RORA: variants seen among roughly 807,000 people sequenced by gnomAD.
The protein encoded by RORA is nuclear receptor ROR-alpha.
RORA carries 7 observed loss-of-function variants against 69.5 expected under a neutral mutation model. That is an observed-to-expected ratio of 0.10 (90% confidence interval 0.06 to 0.19). RORA has a LOEUF of 0.19. Among genes scored for constraint, RORA ranks in the 10% least tolerant of loss-of-function variants. RORA has a pLI of 1.00. For missense variants in RORA, 457 were observed against 663.0 expected, an observed-to-expected ratio of 0.69 and a Z score of 3.41; for synonymous variants, 261 against 240.8, an observed-to-expected ratio of 1.08 and a Z score of -0.78.
intron 5 of RORA, 152 bp from the exon 6 acceptor site, chr15:60,505,781 G>C: frequency 1.1e-6 from 1 of 894,392 alleles, no homozygotes; most frequent in Non-Finnish European, 1.7e-6. Context: ...ATTTGGAACT[G>C]TTTTGTATTT....
At chr15:61,053,444 G>A (rs2078042834) in intron 1 of RORA, among the ~76,000 whole-genome samples, 1 of 152,088 alleles carries the variant, frequency 6.6e-6, no homozygotes, top group African/African-American at 2.4e-5. Flanking sequence ...GGGCAGCAGA[G>A]AAAGCTCAGC....
intron 2 of RORA, among the ~76,000 whole-genome samples, chr15:60,676,562 T>C (rs190754185): frequency 1.3e-3 from 195 of 152,376 alleles, no homozygotes; most frequent in African/African-American, 4.5e-3. Flanking sequence ...TCTTTCTACA[T>C]TGACTTCAAG....
chr15:60,740,171 GA>G (rs2071557050), intron 1 of RORA, among the ~76,000 whole-genome samples: 1 of 152,024 alleles, frequency 6.6e-6, no homozygotes, highest in Non-Finnish European at 1.5e-5. Context: ...AAAGGCCTCT[GA>G]ATTCTTTCTG....
At chr15:61,146,139 G>A (rs959223553) in intron 1 of RORA, among the ~76,000 whole-genome samples, 1 of 152,116 alleles carries the variant, frequency 6.6e-6, no homozygotes, top group Non-Finnish European at 1.5e-5. Flanking sequence ...TAATCAGAAT[G>A]CATGATGGGT....
intron 2 of RORA, among the ~76,000 whole-genome samples, chr15:60,669,522 A>G (rs1189215956): frequency 6.6e-6 from 1 of 152,194 alleles, no homozygotes. Flanking sequence ...AACATTGTTT[A>G]TAGGTCACTG....
At chr15:60,916,638 A>G (rs1008326572) in intron 1 of RORA, among the ~76,000 whole-genome samples, 3 of 152,152 alleles carry the variant, frequency 2.0e-5, no homozygotes, top group Non-Finnish European at 4.4e-5. Flanking sequence ...TTAAATACCA[A>G]TGCCCAGGCC....
chr15:60,994,633 ACAT>A (rs1214318671), intron 1 of RORA, among the ~76,000 whole-genome samples: 2 of 152,234 alleles, frequency 1.3e-5, no homozygotes, highest in African/African-American at 4.8e-5. Flanking sequence ...CCTGAAGCCT[ACAT>A]GATTATAGCC....
intron 1 of RORA, among the ~76,000 whole-genome samples, chr15:61,103,919 G>C (rs1184264224): frequency 6.6e-6 from 1 of 152,172 alleles, no homozygotes; most frequent in Non-Finnish European, 1.5e-5. Flanking sequence ...GAATCAGAGG[G>C]AAGTAGCAGG....
intron 1 of RORA, among the ~76,000 whole-genome samples, chr15:60,712,591 G>A (rs1455720786): frequency 2.6e-5 from 4 of 152,154 alleles, no homozygotes; most frequent in Admixed American, 2.0e-4. Flanking sequence ...TCTGCGATAG[G>A]ACCCAGTGTA....
chr15:61,082,188 G>C (rs1325799998), intron 1 of RORA, among the ~76,000 whole-genome samples: 1 of 152,066 alleles, frequency 6.6e-6, no homozygotes, highest in Non-Finnish European at 1.5e-5. Flanking sequence ...ACCAAACGCA[G>C]ATCAAAAATA....
At position 60,729,454 on chromosome 15, in the gene RORA, T is replaced by C. The variant is rs138830876; in HGVS notation, c.167-50768A>G. On this transcript the variant is annotated intron_variant, in intron 1 of 10. Coordinates refer to ENST00000335670, the MANE Select transcript of RORA (RefSeq NM_134261.3). Reference sequence around the variant, plus strand: ...TTCTAGTCCCAGATTAGTCACTCAATGTAGTACCCTAGGACAAATCCATTT... The same window carrying C: ...TTCTAGTCCCAGATTAGTCACTCAACGTAGTACCCTAGGACAAATCCATTT... Among the ~76,000 whole-genome samples, 862 of 152,294 alleles carry C rather than the reference T, an allele frequency of 5.7e-3. 7 individuals are homozygous for C. Among genetic ancestry groups the C allele is most frequent in the African/African-American group, 0.019 (787 of 41,558 alleles).
intron 1 of RORA, among the ~76,000 whole-genome samples, chr15:61,006,292 T>C (rs543670614): frequency 1.3e-5 from 2 of 152,176 alleles, no homozygotes; most frequent in East Asian, 3.9e-4. Context: ...TATTGTTTTG[T>C]GCTGTGTGTT....
chr15:60,617,927 G>C (rs1313982031), intron 2 of RORA, among the ~76,000 whole-genome samples: 1 of 152,152 alleles, frequency 6.6e-6, no homozygotes, highest in East Asian at 1.9e-4. Context: ...GAGGCAGCTA[G>C]GGATAAGAGG....
intron 1 of RORA, among the ~76,000 whole-genome samples, chr15:61,094,914 G>C (rs1347161098): frequency 1.3e-5 from 2 of 152,242 alleles, no homozygotes; most frequent in African/African-American, 2.4e-5. Flanking sequence ...TACTGGAGCG[G>C]GTTTCACCAG....
chr15:60,588,033 G>T (rs1242977718), intron 2 of RORA, among the ~76,000 whole-genome samples: 1 of 152,192 alleles, frequency 6.6e-6, no homozygotes, highest in African/African-American at 2.4e-5. Flanking sequence ...GGTTGGGATG[G>T]AAGGGAGTTA....
chr15:60,517,710 C>T (rs902089062), intron 3 of RORA, among the ~76,000 whole-genome samples: 3 of 152,168 alleles, frequency 2.0e-5, no homozygotes, highest in South Asian at 2.1e-4. Context: ...ACTCTCCCAC[C>T]GTTCATACCC....
At chr15:60,680,268 C>T (rs2070623542) in intron 1 of RORA, among the ~76,000 whole-genome samples, 1 of 152,146 alleles carries the variant, frequency 6.6e-6, no homozygotes, top group South Asian at 2.1e-4. Context: ...CTTAGGCTGT[C>T]TCTCCTGATT....
intron 2 of RORA, among the ~76,000 whole-genome samples, chr15:60,617,659 CAGAGAGAG>C (rs10594406): frequency 8.1e-4 from 115 of 141,484 alleles, no homozygotes; most frequent in South Asian, 3.8e-3. Flanking sequence ...CACATACAGA[CAGAGAGAG>C]AGAGAGAGAG....
chr15:61,035,176 C>T (rs1482040173), intron 1 of RORA, among the ~76,000 whole-genome samples: 1 of 152,080 alleles, frequency 6.6e-6, no homozygotes, highest in Non-Finnish European at 1.5e-5. Context: ...CCCTTCCAGC[C>T]CATAATAGAA....
Sources: allele counts gnomAD v4.1 joint callset (sites outside exome capture counted in the v4.1 genomes callset), GRCh38; gene constraint gnomAD v4.1.1; transcripts MANE v1.5; gene names NCBI Gene and HGNC (gene_info 2026-07-23, HGNC 2026-07-21).